ABCC4: variants seen among roughly 807,000 people sequenced by gnomAD.
The protein encoded by ABCC4 is ATP-binding cassette sub-family C member 4.
ABCC4 carries 102 observed loss-of-function variants against 168.5 expected under a neutral mutation model. That is an observed-to-expected ratio of 0.61 (90% CI 0.52 to 0.71). The LOEUF (loss-of-function observed/expected upper bound fraction) is 0.71. Ranked by LOEUF, ABCC4 falls within the 30% of genes least tolerant of loss-of-function variation. The pLI, the probability that ABCC4 is intolerant of heterozygous loss-of-function variation, is 0.00. For missense variants in ABCC4, 1,402 were observed against 1,605.8 expected, an observed-to-expected ratio of 0.87 and a Z score of 2.17; for synonymous variants, 617 against 590.7, an observed-to-expected ratio of 1.04 and a Z score of -0.65.
chr13:95,093,358 T>C (rs1566410262), intron 20 of ABCC4, among the ~76,000 whole-genome samples: 1 of 152,172 alleles, frequency 6.6e-6, no homozygotes, highest in African/African-American at 2.4e-5. Context: ...CAAGTGGGTT[T>C]CATACCAGGG....
At chr13:95,125,384 G>A (rs2035722636) in intron 19 of ABCC4, among the ~76,000 whole-genome samples, 1 of 152,192 alleles carries the variant, frequency 6.6e-6, no homozygotes, top group African/African-American at 2.4e-5. Context: ...GTACTGGATG[G>A]TAAATACTTT....
At chr13:95,254,618 T>C (rs4773861) in intron 1 of ABCC4, among the ~76,000 whole-genome samples, 141,032 of 152,286 alleles carry the variant, frequency 0.93, 65,510 homozygotes, top group East Asian at 1. Context: ...TTCAGGTGAC[T>C]CTGCAGCCCA....
chr13:95,028,548 ATG>A (rs972268255), intron 30 of ABCC4, among the ~76,000 whole-genome samples: 2 of 152,230 alleles, frequency 1.3e-5, no homozygotes, highest in Non-Finnish European at 2.9e-5. Context: ...AAATTGCAGA[ATG>A]TATAAATAAA....
intron 9 of ABCC4, among the ~76,000 whole-genome samples, chr13:95,191,045 G>C (rs991009999): frequency 6.6e-6 from 1 of 152,178 alleles, no homozygotes; most frequent in African/African-American, 2.4e-5. Context: ...GATGGAAGAG[G>C]GAAGCACGCA....
intron 14 of ABCC4, among the ~76,000 whole-genome samples, chr13:95,167,391 C>G (rs2037317296): frequency 6.6e-6 from 1 of 151,976 alleles, no homozygotes; most frequent in African/African-American, 2.4e-5. Context: ...CAGCAGCAAA[C>G]AAAATATTAG....
At chr13:95,274,090 G>A (rs2040912731) in intron 1 of ABCC4, among the ~76,000 whole-genome samples, 1 of 152,082 alleles carries the variant, frequency 6.6e-6, no homozygotes, top group South Asian at 2.1e-4. Flanking sequence ...CCCAGTCTCA[G>A]GTATGTCTTT....
chr13:95,073,083 A>T, intron 24 of ABCC4, 121 bp downstream of exon 24: 1 of 695,322 alleles, frequency 1.4e-6, no homozygotes, highest in Non-Finnish European at 2.3e-6. Flanking sequence ...GAAGGATCTT[A>T]AAAAAAATCT....
At chr13:95,040,839 A>G (rs1251589466) in intron 29 of ABCC4, among the ~76,000 whole-genome samples, 2 of 152,246 alleles carry the variant, frequency 1.3e-5, no homozygotes, top group South Asian at 4.1e-4. Context: ...TTATACACCC[A>G]TAAGATTGCC....
chr13:95,170,238 T>C (rs976985827), intron 14 of ABCC4: 37 of 269,006 alleles, frequency 1.4e-4, no homozygotes, highest in African/African-American at 7.9e-4. Flanking sequence ...TTAGAGTCTG[T>C]AATTTCCAAA....
chr13:95,191,450 C>T (rs2038248494), intron 9 of ABCC4, among the ~76,000 whole-genome samples: 1 of 152,248 alleles, frequency 6.6e-6, no homozygotes, highest in East Asian at 1.9e-4. Flanking sequence ...TTTCTTTACT[C>T]CTTCATACAT....
chr13:95,232,374 G>A (rs1462176564), intron 4 of ABCC4, among the ~76,000 whole-genome samples: 1 of 152,100 alleles, frequency 6.6e-6, no homozygotes, highest in African/African-American at 2.4e-5. Context: ...CGAGGTCAAA[G>A]AAGAATACTT....
At chr13:95,172,802 T>C (rs2037524623) in intron 13 of ABCC4, among the ~76,000 whole-genome samples, 2 of 151,768 alleles carry the variant, frequency 1.3e-5, no homozygotes, top group African/African-American at 4.8e-5. Flanking sequence ...AGTGGTGGTG[T>C]GCACTTGTAG....
intron 19 of ABCC4, among the ~76,000 whole-genome samples, chr13:95,124,314 G>A (rs561997347): frequency 3.9e-5 from 6 of 152,026 alleles, no homozygotes; most frequent in South Asian, 2.1e-4. Context: ...AACTCATCCC[G>A]GTGCCTTCCT....
At chr13:95,030,149 T>G (rs2031803129) in intron 30 of ABCC4, among the ~76,000 whole-genome samples, 1 of 151,978 alleles carries the variant, frequency 6.6e-6, no homozygotes. Flanking sequence ...GCCTCCCGAG[T>G]AGCTGAGATT....
intron 25 of ABCC4, among the ~76,000 whole-genome samples, chr13:95,064,447 T>C (rs561422878): frequency 4.0e-5 from 6 of 151,634 alleles, no homozygotes; most frequent in Non-Finnish European, 8.8e-5. Context: ...AACTTCCAAA[T>C]ATTAAATACC....
At chr13:95,199,115 A>G (rs1264749605) in intron 8 of ABCC4, among the ~76,000 whole-genome samples, 2 of 152,314 alleles carry the variant, frequency 1.3e-5, no homozygotes, top group East Asian at 3.9e-4. Context: ...TCCCAGAAAA[A>G]GTATAATAAA....
chr13:95,274,063 T>C (rs937202985), intron 1 of ABCC4, among the ~76,000 whole-genome samples: 1 of 152,100 alleles, frequency 6.6e-6, no homozygotes, highest in Non-Finnish European at 1.5e-5. Context: ...CCACTAAACC[T>C]CTTCTTTTGT....
In ABCC4 at chr13:95,261,511, G is replaced by A. The variant is rs974248175; in HGVS notation, c.75-13758C>T. Among the ~76,000 whole-genome samples, 4 of 152,102 alleles carry A rather than the reference G, an allele frequency of 2.6e-5. No individual in the cohort carries two copies. In the South Asian group the frequency reaches 6.2e-4, roughly 24 times the overall value. Reference sequence around the variant, plus strand: ...ACATAAAAAGCTGTATCTATGAGCAGCTCTTCTTATCCACAAAACATATCT... The same window carrying A: ...ACATAAAAAGCTGTATCTATGAGCAACTCTTCTTATCCACAAAACATATCT... On this transcript the variant is annotated intron_variant, in intron 1 of 30. Coordinates refer to ENST00000645237, the MANE Select transcript of ABCC4 (RefSeq NM_005845.5).
intron 1 of ABCC4, among the ~76,000 whole-genome samples, chr13:95,298,909 A>G (rs936159548): frequency 5.9e-5 from 9 of 152,078 alleles, no homozygotes; most frequent in African/African-American, 1.4e-4. Flanking sequence ...CAAGTCATCA[A>G]TGGGAGCGCA....
Sources: gnomAD v4.1 joint callset for allele counts (sites outside exome capture counted in the v4.1 genomes callset) on GRCh38, gnomAD v4.1.1 for gene constraint, MANE v1.5 for transcripts, NCBI Gene and HGNC (gene_info 2026-07-23, HGNC 2026-07-21) for gene names.